Variants in ATE1 observed in about 807,000 individuals in gnomAD.
ATE1 encodes the protein arginyl-tRNA--protein transferase 1.
A neutral mutation model predicts 70.5 loss-of-function variants in ATE1; 36 were observed. That is an observed-to-expected ratio of 0.51 (90% CI 0.39 to 0.67). The LOEUF is 0.67. Among genes scored for constraint, ATE1 ranks in the 30% least tolerant of loss-of-function variants. The probability of loss-of-function intolerance (pLI) is 0.00; values close to 1 mark genes in which losing one functional copy is unlikely to be tolerated. For synonymous variants in ATE1, 232 were observed against 219.3 expected (o/e 1.06, Z -0.51); for missense variants, 593 against 629.5 (o/e 0.94, Z 0.62).
Position 121,743,847 on chromosome 10 carries a change from G to A in ATE1, c.1390C>T (p.Arg464Cys), listed in dbSNP as rs755320961. ...NQDPEAVDED[R>C]STEPDRLQVF... Reference sequence around the variant, plus strand: ...TGCAATCGGTCAGGTTCCGTACTGCGATCCTCATCCACTGCAACGACAAAA... The same window carrying A: ...TGCAATCGGTCAGGTTCCGTACTGCAATCCTCATCCACTGCAACGACAAAA... The change falls in exon 12 of 12, where the codon CGC (arginine) becomes TGC (cysteine). Residue 464 changes from arginine to cysteine, a missense_variant. Around this residue, in one of 3 missense-constraint regions of ATE1, gnomAD observed 90 missense variants for 93.7 expected, o/e 0.96. Transcript: ENST00000224652. 2.5e-6 allele frequency: 4 copies of A among 1,605,138 alleles called. No homozygotes were observed. The highest frequency in any genetic ancestry group is 3.4e-6 in the Non-Finnish European group (4 of 1,176,764).
chr10:121,857,487 A>C (rs770133840), intron 8 of ATE1, among the ~76,000 whole-genome samples: 3 of 152,144 alleles, frequency 2.0e-5, no homozygotes, highest in African/African-American at 7.2e-5. Context: ...TATGTACTAC[A>C]TTTTCTTTAT....
At chr10:121,878,118 G>A (rs769909230) in intron 7 of ATE1, among the ~76,000 whole-genome samples, 26 of 152,174 alleles carry the variant, frequency 1.7e-4, no homozygotes, top group Non-Finnish European at 3.5e-4. Context: ...AGACTGGAGA[G>A]TGTATGCTGT....
At chr10:121,894,682 G>A (rs925806568) in intron 7 of ATE1, among the ~76,000 whole-genome samples, 2 of 151,968 alleles carry the variant, frequency 1.3e-5, no homozygotes, top group African/African-American at 4.8e-5. Context: ...GGCAGATCAC[G>A]AGGTCAGGAG....
chr10:121,861,431 T>C (rs1487465916), intron 8 of ATE1, among the ~76,000 whole-genome samples: 2 of 151,980 alleles, frequency 1.3e-5, no homozygotes, highest in Admixed American at 1.3e-4. Flanking sequence ...GATGAGTTCA[T>C]GTCCTTTGTA....
chr10:121,839,608 C>T (rs951505926), intron 9 of ATE1, among the ~76,000 whole-genome samples: 2 of 152,138 alleles, frequency 1.3e-5, no homozygotes, highest in East Asian at 1.9e-4. Context: ...AGTGAGAGCA[C>T]CAACAGCCAT....
intron 11 of ATE1, among the ~76,000 whole-genome samples, chr10:121,753,787 A>AATAT (rs1944683332): frequency 6.6e-6 from 1 of 152,234 alleles, no homozygotes; most frequent in African/African-American, 2.4e-5. Flanking sequence ...AAACTCATAG[A>AATAT]ATATAATGAA....
At chr10:121,862,297 G>C (rs146083377) in intron 8 of ATE1, among the ~76,000 whole-genome samples, 467 of 152,188 alleles carry the variant, frequency 3.1e-3, no homozygotes, top group Non-Finnish European at 5.1e-3. Context: ...CTGAATTCTA[G>C]CCATTGGAGA....
chr10:121,867,312 T>A (rs1476537593), intron 8 of ATE1, among the ~76,000 whole-genome samples: 2 of 152,166 alleles, frequency 1.3e-5, no homozygotes, highest in East Asian at 3.8e-4. Flanking sequence ...TAGCCTTAAA[T>A]TGCTACTTGC....
chr10:121,883,449 G>A (rs781771567), intron 7 of ATE1, among the ~76,000 whole-genome samples: 1 of 152,140 alleles, frequency 6.6e-6, no homozygotes, highest in Non-Finnish European at 1.5e-5. Flanking sequence ...CACAAGAATT[G>A]TCAGCAAGAA....
chr10:121,774,458 TTA>T (rs1945651197), intron 11 of ATE1, among the ~76,000 whole-genome samples: 1 of 152,162 alleles, frequency 6.6e-6, no homozygotes, highest in Admixed American at 6.6e-5. Flanking sequence ...GTTTGAGAAA[TTA>T]TATGTCATTA....
chr10:121,884,757 G>C (rs1950329723), intron 7 of ATE1, among the ~76,000 whole-genome samples: 1 of 152,134 alleles, frequency 6.6e-6, no homozygotes, highest in South Asian at 2.1e-4. Flanking sequence ...GTAAATGACT[G>C]AAAAGCTTTG....
At chr10:121,818,144 G>C (rs1947633996) in intron 10 of ATE1, among the ~76,000 whole-genome samples, 1 of 148,190 alleles carries the variant, frequency 6.7e-6, no homozygotes, top group Non-Finnish European at 1.5e-5. Context: ...TGTGCTTGTG[G>C]TCCCAGCTAC....
intron 11 of ATE1, among the ~76,000 whole-genome samples, chr10:121,745,517 C>T (rs562772070): frequency 4.6e-5 from 7 of 152,220 alleles, no homozygotes; most frequent in Non-Finnish European, 8.8e-5. Flanking sequence ...GAGATCGACA[C>T]CATTCTGGCT....
intron 5 of ATE1, among the ~76,000 whole-genome samples, chr10:121,907,806 T>C (rs1415149278): frequency 2.0e-5 from 3 of 152,018 alleles, no homozygotes; most frequent in Admixed American, 2.0e-4. Flanking sequence ...AGTCCTGAAT[T>C]TGAATTGGAA....
intron 11 of ATE1, among the ~76,000 whole-genome samples, chr10:121,789,471 GTATTTTTAGTAGAGA>G (rs1946347325): frequency 1.3e-5 from 2 of 151,874 alleles, no homozygotes; most frequent in East Asian, 3.9e-4. Context: ...GCCAGTTTTT[GTATTTTTAGTAGAGA>G]GGAGGTTTCA....
chr10:121,862,642 G>C (rs1391965671), intron 8 of ATE1, among the ~76,000 whole-genome samples: 1 of 142,834 alleles, frequency 7.0e-6, no homozygotes, highest in African/African-American at 2.6e-5. Flanking sequence ...CCAAAGTGCT[G>C]AGATTACAAG....
In ATE1 at chr10:121,819,978, G is replaced by A. The variant is rs370453157; in HGVS notation, c.1257+16740C>T. 3.6e-4 allele frequency among the ~76,000 whole-genome samples: 55 copies of A among 151,490 alleles called. 1 individual carries two copies. In the Middle Eastern group the frequency reaches 0.01, roughly 28 times the overall value. ...CTGGCCAACATGGTGAAACGCTGCCGCTACTAAAAATAGAAAAATTAGCCA... is the reference window on the plus strand; with the variant it reads ...CTGGCCAACATGGTGAAACGCTGCCACTACTAAAAATAGAAAAATTAGCCA... On this transcript the variant is annotated intron_variant, in intron 10 of 11. Transcript: ENST00000224652.
At chr10:121,899,066 C>A in intron 7 of ATE1, 2 of 1,402,204 alleles carry the variant, frequency 1.4e-6, no homozygotes, top group Non-Finnish European at 1.9e-6. Context: ...CAAATCCACG[C>A]CAAAGCTCGA....
At chr10:121,807,267 T>C (rs1197929965) in intron 10 of ATE1, among the ~76,000 whole-genome samples, 3 of 152,248 alleles carry the variant, frequency 2.0e-5, no homozygotes, top group South Asian at 2.1e-4. Flanking sequence ...CCTTTAAATT[T>C]AGAATGATTG....
Sources: allele counts gnomAD v4.1 joint callset (sites outside exome capture counted in the v4.1 genomes callset), GRCh38; gene constraint gnomAD v4.1.1; regional missense constraint gnomAD v4.1.1; transcripts MANE v1.5; gene names NCBI Gene and HGNC (gene_info 2026-07-23, HGNC 2026-07-21).